Variants in CAST observed in about 807,000 individuals in gnomAD.
CAST encodes MIR583 host.
CAST carries 76 observed loss-of-function variants against 119.6 expected under a neutral mutation model. The ratio of observed to expected loss-of-function variants is 0.64; its 90% CI spans 0.53 to 0.77. The LOEUF (loss-of-function observed/expected upper bound fraction) is 0.77. Ranked by LOEUF, CAST falls within the 30% of genes least tolerant of loss-of-function variation. The pLI is 0.00. For synonymous variants in CAST, 319 were observed against 331.6 expected, an observed-to-expected ratio of 0.96 and a Z score of 0.41; for missense variants, 953 against 946.5, an observed-to-expected ratio of 1.01 and a Z score of -0.09.
At chr5:96,090,514 C>A in the CAST span, among the ~76,000 whole-genome samples, 1 of 152,074 alleles carries the variant, frequency 6.6e-6, no homozygotes, top group African/African-American at 2.4e-5. Flanking sequence ...TTAGTTCTGG[C>A]AGCTGTTTAG....
the CAST span, among the ~76,000 whole-genome samples, chr5:96,310,775 C>T: frequency 4.7e-5 from 7 of 149,858 alleles, no homozygotes; most frequent in Admixed American, 2.7e-4. Flanking sequence ...AATATCTCCT[C>T]TTTCATTTCT....
At chr5:96,128,638 T>A in the CAST span, among the ~76,000 whole-genome samples, 160 of 152,216 alleles carry the variant, frequency 1.1e-3, 1 homozygote, top group East Asian at 0.03. Flanking sequence ...GAAAACGACT[T>A]CAGTAGTTGT....
the CAST span, among the ~76,000 whole-genome samples, chr5:96,366,501 A>G: frequency 3.3e-5 from 5 of 152,188 alleles, no homozygotes; most frequent in African/African-American, 4.8e-5. Flanking sequence ...ACATAGTCCC[A>G]TATTTCTTGG....
chr5:96,197,619 T>C, the CAST span, among the ~76,000 whole-genome samples: 2 of 152,222 alleles, frequency 1.3e-5, no homozygotes, highest in South Asian at 4.1e-4. Context: ...AAACCTAACA[T>C]TTAGTGAGCC....
chr5:96,548,273 T>C (rs772851015), intron 1 of CAST, among the ~76,000 whole-genome samples: 16 of 152,078 alleles, frequency 1.1e-4, no homozygotes, highest in Non-Finnish European at 2.4e-4. Flanking sequence ...GGATTTGGGG[T>C]TTATGAATTG....
At chr5:96,254,191 A>C in the CAST span, among the ~76,000 whole-genome samples, 2 of 152,106 alleles carry the variant, frequency 1.3e-5, no homozygotes, top group African/African-American at 2.4e-5. Context: ...GAATGTCATG[A>C]TCTTCCCAGT....
At chr5:96,499,780 C>A in the CAST span, among the ~76,000 whole-genome samples, 1 of 152,182 alleles carries the variant, frequency 6.6e-6, no homozygotes, top group African/African-American at 2.4e-5. Context: ...TCCTTTGTTG[C>A]CATTTCAACA....
At chr5:96,364,023 TAG>T in the CAST span, among the ~76,000 whole-genome samples, 4 of 152,182 alleles carry the variant, frequency 2.6e-5, no homozygotes, top group Admixed American at 6.5e-5. Context: ...ACCTAATTTA[TAG>T]AGAGTTTTTA....
At chr5:96,149,479 A>G in the CAST span, among the ~76,000 whole-genome samples, 2 of 152,180 alleles carry the variant, frequency 1.3e-5, no homozygotes, top group African/African-American at 4.8e-5. Flanking sequence ...GCTTTTGCCA[A>G]GTGAGAAGAA....
chr5:96,670,332 C>T (rs937059382), intron 1 of CAST, among the ~76,000 whole-genome samples: 2 of 151,764 alleles, frequency 1.3e-5, no homozygotes, highest in Non-Finnish European at 2.9e-5. Context: ...AGAATGTTTT[C>T]CTTTCCTCCT....
chr5:96,556,798 C>T (rs1415239472), intron 1 of CAST, among the ~76,000 whole-genome samples: 1 of 152,138 alleles, frequency 6.6e-6, no homozygotes, highest in Non-Finnish European at 1.5e-5. Context: ...GGATATTATC[C>T]AGGAAAACTT....
chr5:96,443,314 G>T, the CAST span, among the ~76,000 whole-genome samples: 6 of 151,946 alleles, frequency 3.9e-5, no homozygotes, highest in East Asian at 1.2e-3. Context: ...ATAACTAGAC[G>T]CAGGATCATT....
At chr5:96,770,861 C>T (rs1489368140) in intron 30 of CAST, among the ~76,000 whole-genome samples, 1 of 152,052 alleles carries the variant, frequency 6.6e-6, no homozygotes, top group Non-Finnish European at 1.5e-5. Flanking sequence ...CTTTCTTGCC[C>T]TAATTAAAAT....
chr5:96,483,336 C>T, the CAST span, among the ~76,000 whole-genome samples: 1 of 152,160 alleles, frequency 6.6e-6, no homozygotes, highest in Non-Finnish European at 1.5e-5. Context: ...AGTAAAATAG[C>T]TGTGCCCATG....
chr5:96,102,711 A>G, the CAST span, among the ~76,000 whole-genome samples: 1 of 141,590 alleles, frequency 7.1e-6, no homozygotes, highest in South Asian at 2.2e-4. Flanking sequence ...TGTTCTCTCT[A>G]GTTTTCTTGG....
At chr5:96,764,675 G>C (rs1244998396) in intron 25 of CAST, among the ~76,000 whole-genome samples, 1 of 152,096 alleles carries the variant, frequency 6.6e-6, no homozygotes, top group East Asian at 1.9e-4. Flanking sequence ...TGCGGGTCAC[G>C]CTGCACTTTC....
At chr5:96,515,600 G>C in the CAST span, among the ~76,000 whole-genome samples, 1 of 152,152 alleles carries the variant, frequency 6.6e-6, no homozygotes, top group Admixed American at 6.5e-5. Flanking sequence ...TTTTCTCCTA[G>C]ACTCACTCCT....
At chr5:96,686,721 A>T (rs575855268) in intron 2 of CAST, among the ~76,000 whole-genome samples, 1 of 152,230 alleles carries the variant, frequency 6.6e-6, no homozygotes, top group African/African-American at 2.4e-5. Context: ...AGAACAGCAG[A>T]TAAAGCAATG....
At chr5:96,338,900 G>C in the CAST span, among the ~76,000 whole-genome samples, 1 of 152,290 alleles carries the variant, frequency 6.6e-6, no homozygotes, top group Non-Finnish European at 1.5e-5. Flanking sequence ...TGGCTCTGTA[G>C]ATGGTTTGGT....
Sources: gnomAD v4.1 joint callset for allele counts (sites outside exome capture counted in the v4.1 genomes callset) on GRCh38, gnomAD v4.1.1 for gene constraint, MANE v1.5 for transcripts, NCBI Gene and HGNC (gene_info 2026-07-23, HGNC 2026-07-21) for gene names.